Variants in PLCH2 observed in about 807,000 individuals in gnomAD.
PLCH2 encodes the protein phospholipase C eta 2, also known as 1-phosphatidylinositol 4,5-bisphosphate phosphodiesterase eta-2.
Under a neutral mutation model 134.7 loss-of-function variants are expected in PLCH2, and 98 were observed. The ratio of observed to expected loss-of-function variants is 0.73; its 90% confidence interval spans 0.62 to 0.86. The LOEUF (loss-of-function observed/expected upper bound fraction) is 0.86. Ranked by LOEUF, PLCH2 falls within the 40% of genes least tolerant of loss-of-function variation. The pLI is 0.00. For synonymous variants in PLCH2, 974 were observed against 827.5 expected (o/e 1.18, Z -3.04); for missense variants, 1,994 against 1,986.6 (o/e 1.00, Z -0.07).
chr1:2,457,887 A>T (rs1308459176), intron 2 of PLCH2, among the ~76,000 whole-genome samples: 1 of 151,892 alleles, frequency 6.6e-6, no homozygotes, highest in Non-Finnish European at 1.5e-5. Context: ...CTGAAAAAAA[A>T]AAAAAAAAAG....
intron 2 of PLCH2, among the ~76,000 whole-genome samples, chr1:2,461,906 C>A (rs1640819138): frequency 6.6e-6 from 1 of 152,074 alleles, no homozygotes; most frequent in Non-Finnish European, 1.5e-5. Context: ...CCCTGGCCAT[C>A]CACCCGGGAC....
intron 21 of PLCH2, chr1:2,502,680 G>A (rs1396303844): frequency 2.8e-6 from 2 of 702,784 alleles, no homozygotes; most frequent in South Asian, 3.0e-5. Flanking sequence ...GCTATCCCGG[G>A]GAGAAGCAGA....
chr1:2,442,548 G>T (rs7517795), intron 2 of PLCH2, among the ~76,000 whole-genome samples: 17,574 of 152,246 alleles, frequency 0.12, 1,103 homozygotes, highest in African/African-American at 0.14. Context: ...GGATGTGTGT[G>T]TCCTTAGTGG....
chr1:2,499,029 C>T (rs538949188), intron 18 of PLCH2, 55 bp from the exon 19 acceptor site: 68 of 1,563,718 alleles, frequency 4.3e-5, no homozygotes, highest in African/African-American at 3.8e-4. Context: ...CAGGCTGGAG[C>T]GGTGCTGGGC....
chr1:2,472,799 G>C (rs149460407), upstream of PLCH2, among the ~76,000 whole-genome samples: 1 of 152,166 alleles, frequency 6.6e-6, no homozygotes, highest in Non-Finnish European at 1.5e-5. Flanking sequence ...TGGGGCCCCT[G>C]CCCGTCCCGT....
At chr1:2,482,675 C>T (rs934040916) in intron 4 of PLCH2, among the ~76,000 whole-genome samples, 2 of 152,152 alleles carry the variant, frequency 1.3e-5, no homozygotes, top group Non-Finnish European at 2.9e-5. Context: ...ATGGGGCCAC[C>T]TGACTGGTGA....
intron 2 of PLCH2, among the ~76,000 whole-genome samples, chr1:2,443,866 C>A (rs1310907346): frequency 1.3e-5 from 2 of 150,350 alleles, no homozygotes; most frequent in Non-Finnish European, 3.0e-5. Flanking sequence ...CGAGCCCGGC[C>A]GCTGACTGCG....
intron 1 of PLCH2, among the ~76,000 whole-genome samples, chr1:2,477,086 A>G (rs1476716808): frequency 1.3e-5 from 2 of 152,070 alleles, no homozygotes; most frequent in African/African-American, 4.8e-5. Flanking sequence ...GCCGGACATG[A>G]GGGCCTTTGC....
chr1:2,440,730 G>T lies in PLCH2; in HGVS notation c.115+10101G>T, dbSNP rs920359911. On this transcript the variant is annotated intron_variant, in intron 2 of 3. Coordinates refer to the PLCH2 transcript ENST00000609981. ...CGGGGATCTTGCATGCTGCGACCAG[G>T]GATTCTTGAGCCTCTGGCTCAGGAT... Among the ~76,000 whole-genome samples the T allele has an allele frequency of 6.6e-5, 10 of 152,018 alleles. No homozygotes were observed. The East Asian group carries it at 1.2e-3, about 18-fold the overall frequency.
rs1158333896 is a variant in PLCH2 at position 2,504,073 on chromosome 1, C to T, written c.3111C>T (p.Pro1037=). 2.1e-5 allele frequency: 32 copies of T among 1,548,310 alleles called. No homozygotes were observed. The highest frequency in any genetic ancestry group is 1.7e-4 in the Middle Eastern group (1 of 5,922). The part of the protein sequence containing the change: ...SQGRPPYPTG[P]GANVASPLED... ...GACGGCCCCCATACCCCACAGGACC[C>T]GGAGCCAATGTGGCAAGCCCCCTAG... is the stretch of plus-strand genomic sequence containing the variant. The change falls in exon 22 of 22, where the codon CCC becomes CCT. Residue 1037 remains proline (P), a synonymous_variant. Coordinates refer to ENST00000378486, the MANE Select transcript of PLCH2 (RefSeq NM_014638.4).
chr1:2,416,274 A>T, the PLCH2 span, among the ~76,000 whole-genome samples: 12 of 151,812 alleles, frequency 7.9e-5, no homozygotes, highest in Middle Eastern at 3.2e-3. Flanking sequence ...GCTTGAGGGG[A>T]GTGGCTCCTG....
intron 2 of PLCH2, among the ~76,000 whole-genome samples, chr1:2,457,903 G>A (rs1321400245): frequency 6.7e-6 from 1 of 149,110 alleles, no homozygotes; most frequent in African/African-American, 2.5e-5. Context: ...AAAAGCATTT[G>A]CCAGCATAGC....
At chr1:2,495,368 T>C (rs931029842) in intron 12 of PLCH2, 120 bp from the exon 13 acceptor site, 1 of 768,194 alleles carries the variant, frequency 1.3e-6, no homozygotes, top group Non-Finnish European at 2.1e-6. Context: ...GGGATGGACA[T>C]GGGAGGCTGC....
intron 1 of PLCH2, among the ~76,000 whole-genome samples, chr1:2,427,024 G>A (rs939608411): frequency 6.6e-6 from 1 of 152,226 alleles, no homozygotes; most frequent in Non-Finnish European, 1.5e-5. Context: ...CAGAGGCCCA[G>A]CCATAGGCTC....
chr1:2,494,729 T>C, intron 11 of PLCH2, 127 bp from the exon 12 acceptor site: 1 of 474,620 alleles, frequency 2.1e-6, no homozygotes, highest in Non-Finnish European at 4.2e-6. Flanking sequence ...CCCGTCTGCC[T>C]TACTCCAGAC....
chr1:2,481,260 C>T (rs923004148), intron 4 of PLCH2, among the ~76,000 whole-genome samples: 1 of 152,318 alleles, frequency 6.6e-6, no homozygotes, highest in African/African-American at 2.4e-5. Context: ...AGGGTGTGTG[C>T]GTGAGTTAGG....
chr1:2,429,087 A>T (rs950340095), intron 1 of PLCH2, among the ~76,000 whole-genome samples: 10 of 152,006 alleles, frequency 6.6e-5, no homozygotes, highest in Admixed American at 1.3e-4. Context: ...TGGGGTGTGC[A>T]GGGTGAGGGG....
At chr1:2,422,596 C>T (rs370469736), upstream of PLCH2, among the ~76,000 whole-genome samples, 4 of 152,276 alleles carry the variant, frequency 2.6e-5, no homozygotes, top group South Asian at 2.1e-4. Context: ...AATCTGAAAC[C>T]GTGCCAATGG....
At chr1:2,474,372 C>T (rs1641502478), upstream of PLCH2, among the ~76,000 whole-genome samples, 1 of 145,054 alleles carries the variant, frequency 6.9e-6, no homozygotes, top group African/African-American at 2.6e-5. Flanking sequence ...CAGGGCAGCC[C>T]CCGGCAGAGG....
Sources: gnomAD v4.1 joint callset for allele counts (sites outside exome capture counted in the v4.1 genomes callset) on GRCh38, gnomAD v4.1.1 for gene constraint, MANE v1.5 for transcripts, NCBI Gene and HGNC (gene_info 2026-07-23, HGNC 2026-07-21) for gene names.